The following ZMIZ1 variants were observed in gnomAD, a reference collection of about 807,000 sequenced individuals.
The protein encoded by ZMIZ1 is zinc finger MIZ domain-containing protein 1.
Under a neutral mutation model 113.9 loss-of-function variants are expected in ZMIZ1, and 17 were observed. The ratio of observed to expected loss-of-function variants is 0.15; its 90% CI spans 0.10 to 0.22. ZMIZ1 has a LOEUF of 0.22. ZMIZ1 is among the 10% of genes least tolerant of loss of function. The pLI, the probability that ZMIZ1 is intolerant of heterozygous loss-of-function variation, is 1.00. For synonymous variants in ZMIZ1, 607 were observed against 603.1 expected, an observed-to-expected ratio of 1.01 and a Z score of -0.09; for missense variants, 1,059 against 1,477.8, an observed-to-expected ratio of 0.72 and a Z score of 4.65.
In ZMIZ1 at chr10:79,297,696, T is replaced by C. The variant is rs764662930; in HGVS notation, c.1491+6T>C. The C allele has an allele frequency of 6.2e-7, 1 of 1,613,220 alleles. No individual in the cohort carries two copies. The highest frequency in any genetic ancestry group is 8.5e-7 in the Non-Finnish European group (1 of 1,179,192). On this transcript the variant is annotated splice_donor_region_variant and intron_variant, in intron 14 of 24. Coordinates refer to ENST00000334512, the MANE Select transcript of ZMIZ1 (RefSeq NM_020338.4). ...GCCAAGGGAATGTCAACAGGGTATG[T>C]TCCAATTTAATTTACAAATTCTAAG... is the stretch of plus-strand genomic sequence containing the variant.
At chr10:79,243,412 T>C (rs997462083) in intron 7 of ZMIZ1, among the ~76,000 whole-genome samples, 2 of 149,078 alleles carry the variant, frequency 1.3e-5, no homozygotes, top group Non-Finnish European at 3.0e-5. Context: ...CCCGGGAAGC[T>C]GGAGACGGGC....
intron 24 of ZMIZ1, 106 bp downstream of exon 24, chr10:79,311,290 T>TGGG: frequency 2.9e-5 from 3 of 102,694 alleles, no homozygotes; most frequent in Non-Finnish European, 5.5e-5. Context: ...AGGGAGGAGG[T>TGGG]GGGTGGGCGG....
chr10:79,200,862 T>A (rs75190435), intron 4 of ZMIZ1, among the ~76,000 whole-genome samples: 10,776 of 152,018 alleles, frequency 0.071, 859 homozygotes, highest in African/African-American at 0.19. Flanking sequence ...GCACTGAGGG[T>A]CGTCATATGG....
chr10:79,298,712 C>T lies in ZMIZ1; in HGVS notation c.1666+132C>T, dbSNP rs115852257. The T allele has an allele frequency of 3.5e-3, 2,985 of 854,686 alleles. 60 individuals are homozygous for T. The African/African-American group carries it at 0.046, about 13-fold the overall frequency. The allele number at this position is 854,686 out of a possible 1,614,324, so 52.9% of individuals were successfully genotyped here. A position where few individuals can be genotyped will look rare whatever the true frequency, so the allele number is the denominator to read the frequency against. ...CAGAGAGTTGAGAGCAGGTGAGATACCCAGGGGCACACTCAAGGCGGGGTA... is the reference window on the plus strand; with the variant it reads ...CAGAGAGTTGAGAGCAGGTGAGATATCCAGGGGCACACTCAAGGCGGGGTA... On this transcript the variant is annotated intron_variant, in intron 15 of 24. Transcript: ENST00000334512.
rs1158427009 is a variant in ZMIZ1, at chr10:79,069,757, G to A, written c.-337+487G>A. Among the ~76,000 whole-genome samples the A allele has an allele frequency of 4.6e-5, 7 of 152,320 alleles. No individual in the cohort carries two copies. The South Asian group carries it at 1.2e-3, about 27-fold the overall frequency. On this transcript the variant is annotated intron_variant, in intron 1 of 24. Coordinates refer to ENST00000334512, the MANE Select transcript of ZMIZ1 (RefSeq NM_020338.4). This position sits in a 1 kb window ranked among gnomAD's most constrained non-coding sequence, Gnocchi z 4.6. ...GCGCTGGATTTCAGGATGGCAAGGG[G>A]TGGTGGTGTTAACTTGTGCGTCTGA...
chr10:79,167,544 G>A (rs1044455681), intron 4 of ZMIZ1, among the ~76,000 whole-genome samples: 2 of 152,140 alleles, frequency 1.3e-5, no homozygotes, highest in South Asian at 4.1e-4. Flanking sequence ...TATCGAGGCA[G>A]GCAGGACCAT....
chr10:79,312,464 G>A (rs1416526997), intron 24 of ZMIZ1, among the ~76,000 whole-genome samples, 178 bp from the exon 25 acceptor site: 2 of 152,244 alleles, frequency 1.3e-5, no homozygotes, highest in Admixed American at 1.3e-4. Context: ...TGCAGTGGCC[G>A]GGGTATGTGT....
chr10:79,291,439 A>C (rs1406532141), intron 10 of ZMIZ1, among the ~76,000 whole-genome samples: 4 of 152,272 alleles, frequency 2.6e-5, no homozygotes, highest in Non-Finnish European at 5.9e-5. Flanking sequence ...CAAAACCTCA[A>C]AACAACCCTT....
At chr10:79,301,097 T>C (rs1327091855) in intron 17 of ZMIZ1, among the ~76,000 whole-genome samples, 155 bp downstream of exon 17, 1 of 152,094 alleles carries the variant, frequency 6.6e-6, no homozygotes, top group Non-Finnish European at 1.5e-5. Context: ...TCCCCTTACC[T>C]GTGCCCAGGG....
intron 1 of ZMIZ1, among the ~76,000 whole-genome samples, chr10:79,106,556 T>G (rs1843567101): frequency 6.6e-6 from 1 of 152,120 alleles, no homozygotes; most frequent in Non-Finnish European, 1.5e-5. Context: ...GATCAGTGGG[T>G]GATTGAGCCC....
chr10:79,277,112 TGGG>T (rs141066948), intron 7 of ZMIZ1, 66 bp from the exon 8 acceptor site: 38 of 1,373,292 alleles, frequency 2.8e-5, no homozygotes, highest in Non-Finnish European at 3.4e-5. Flanking sequence ...TGGGGAGAGT[TGGG>T]GGGGGGTCTT....
intron 23 of ZMIZ1, among the ~76,000 whole-genome samples, chr10:79,309,431 T>C (rs558838423): frequency 6.6e-6 from 1 of 152,302 alleles, no homozygotes; most frequent in East Asian, 1.9e-4. Context: ...TAAGCTGGCC[T>C]CTCACTGACC....
At chr10:79,234,920 C>T (rs1475536037) in intron 7 of ZMIZ1, among the ~76,000 whole-genome samples, 1 of 152,206 alleles carries the variant, frequency 6.6e-6, no homozygotes, top group Non-Finnish European at 1.5e-5. Flanking sequence ...GGATTAGGGT[C>T]CAGAGAGGGA....
chr10:79,086,467 C>T (rs1419099486), intron 1 of ZMIZ1, among the ~76,000 whole-genome samples: 1 of 152,220 alleles, frequency 6.6e-6, no homozygotes, highest in East Asian at 1.9e-4. Flanking sequence ...AGATTTTACT[C>T]AGCTATGTTT....
intron 6 of ZMIZ1, among the ~76,000 whole-genome samples, chr10:79,210,062 C>G (rs546495957): frequency 6.6e-6 from 1 of 152,382 alleles, no homozygotes; most frequent in African/African-American, 2.4e-5. Context: ...TCCGCCCCCC[C>G]AGCCCCCTAA....
intron 7 of ZMIZ1, among the ~76,000 whole-genome samples, chr10:79,244,021 G>C (rs1276231757): frequency 6.6e-6 from 1 of 152,370 alleles, no homozygotes; most frequent in East Asian, 1.9e-4. Flanking sequence ...GTGAAGTGTT[G>C]GCTCTCCAGC....
chr10:79,221,469 A>G (rs1052500642), intron 7 of ZMIZ1, among the ~76,000 whole-genome samples: 17 of 152,056 alleles, frequency 1.1e-4, no homozygotes, highest in African/African-American at 3.9e-4. Context: ...CTCCCTCCTC[A>G]GTACAGAAGG....
chr10:79,226,030 T>C (rs1027784499), intron 7 of ZMIZ1, among the ~76,000 whole-genome samples: 2 of 152,226 alleles, frequency 1.3e-5, no homozygotes, highest in Non-Finnish European at 2.9e-5. Context: ...GCACAGGGCC[T>C]ACAAACACAT....
intron 1 of ZMIZ1, among the ~76,000 whole-genome samples, chr10:79,110,811 T>C (rs932893604): frequency 6.6e-5 from 10 of 152,234 alleles, no homozygotes; most frequent in African/African-American, 2.4e-4. Context: ...GGCTTCCATT[T>C]TCACCATAGT....
Sources: gnomAD v4.1 joint callset for allele counts (sites outside exome capture counted in the v4.1 genomes callset) on GRCh38, gnomAD v4.1.1 for gene constraint, Gnocchi (gnomAD v3.1) non-coding constraint, MANE v1.5 for transcripts, NCBI Gene and HGNC (gene_info 2026-07-23, HGNC 2026-07-21) for gene names.